SCML2: variants seen among roughly 807,000 people sequenced by gnomAD.
SCML2 encodes the protein sex comb on midleg-like protein 2.
SCML2 carries 6 observed loss-of-function variants against 48.4 expected under a neutral mutation model. The observed-to-expected ratio is 0.12, with a 90% CI of 0.07 to 0.24. SCML2 has a LOEUF of 0.24. Among genes scored for constraint, SCML2 ranks in the 10% least tolerant of loss-of-function variants. The pLI is 1.00. For synonymous variants in SCML2, 181 were observed against 189.5 expected, an observed-to-expected ratio of 0.95 and a Z score of 0.37; for missense variants, 377 against 528.2, an observed-to-expected ratio of 0.71 and a Z score of 2.81.
At chrX:18,351,674 CAA>C (rs58429855) in intron 1 of SCML2, among the ~76,000 whole-genome samples, 5 of 80,566 alleles carry the variant, frequency 6.2e-5, no homozygotes, top group Middle Eastern at 6.0e-3. Flanking sequence ...AATAACCAGG[CAA>C]AAAAAAAAAA....
intron 6 of SCML2, among the ~76,000 whole-genome samples, chrX:18,313,006 T>TGC (rs1206278211): frequency 1.1e-3 from 105 of 95,592 alleles, no homozygotes; most frequent in African/African-American, 3.9e-3. Context: ...TGTGTGTGTG[T>TGC]GCGCGTGTGT....
At chrX:18,291,979 G>A (rs970062887) in intron 7 of SCML2, among the ~76,000 whole-genome samples, 2 of 111,178 alleles carry the variant, frequency 1.8e-5, no homozygotes, top group East Asian at 5.6e-4. Context: ...GTTGATATGT[G>A]CAATAAATGA....
At chrX:18,299,321 G>A (rs1928500151) in intron 7 of SCML2, among the ~76,000 whole-genome samples, 3 of 110,415 alleles carry the variant, frequency 2.7e-5, no homozygotes, top group Admixed American at 9.6e-5. Flanking sequence ...AGACCATACT[G>A]GCTAATACGG....
chrX:18,344,426 T>TTG (rs1930134942), intron 1 of SCML2, among the ~76,000 whole-genome samples: 1 of 111,805 alleles, frequency 8.9e-6, no homozygotes, highest in Non-Finnish European at 1.9e-5. Flanking sequence ...AAGGCTCCAA[T>TTG]ACACCGTATG....
At chrX:18,327,715 T>C (rs57919132) in intron 3 of SCML2, among the ~76,000 whole-genome samples, 4,725 of 111,819 alleles carry the variant, frequency 0.042, 258 homozygotes, top group African/African-American at 0.15. Flanking sequence ...GCATTTGCCA[T>C]TTGGAGCCTC....
chrX:18,269,323 A>G (rs1927369411), intron 7 of SCML2, among the ~76,000 whole-genome samples: 1 of 110,944 alleles, frequency 9.0e-6, no homozygotes. Flanking sequence ...ATAGTAAGAG[A>G]GTTCTCACGA....
intron 11 of SCML2, among the ~76,000 whole-genome samples, chrX:18,255,815 C>A (rs748125563): frequency 1.8e-5 from 2 of 112,624 alleles, no homozygotes; most frequent in Middle Eastern, 4.6e-3. Context: ...AAAAGATAGT[C>A]TGTGATGGTA....
chrX:18,251,641 T>C (rs944226272), intron 11 of SCML2, among the ~76,000 whole-genome samples: 10 of 111,805 alleles, frequency 8.9e-5, no homozygotes, highest in African/African-American at 3.3e-4. Flanking sequence ...CAATAACAAG[T>C]GTTTAAAAGG....
chrX:18,347,471 G>A (rs1295744768), intron 1 of SCML2, among the ~76,000 whole-genome samples: 7 of 107,576 alleles, frequency 6.5e-5, no homozygotes, highest in Non-Finnish European at 1.3e-4. Context: ...ACATTTTTAG[G>A]CCGGGCGCAG....
At chrX:18,338,101 T>C (rs1929891301) in intron 1 of SCML2, among the ~76,000 whole-genome samples, 1 of 111,936 alleles carries the variant, frequency 8.9e-6, no homozygotes, top group South Asian at 3.7e-4. Context: ...TCCATTGCAA[T>C]GAAAGCAGTA....
At chrX:18,341,838 C>T (rs894476926) in intron 1 of SCML2, among the ~76,000 whole-genome samples, 1 of 112,011 alleles carries the variant, frequency 8.9e-6, no homozygotes, top group South Asian at 3.7e-4. Flanking sequence ...GTTCTATTGT[C>T]CCTCTTAAAA....
rs963988196 is a variant in SCML2, at chrX:18,259,356, C to A, written c.1069+815G>T. Among the ~76,000 whole-genome samples, 8 of 111,251 alleles carry A rather than the reference C, an allele frequency of 7.2e-5. No individual in the cohort carries two copies. In the Admixed American group the frequency reaches 7.7e-4, roughly 11 times the overall value. On this transcript the variant is annotated intron_variant, in intron 9 of 14. Transcript: ENST00000251900. ...CCCTAAGAAGCATGTTATTTTTAAT[C>A]CATTAATTAATATTGCAAAACTTTC...
intron 11 of SCML2, among the ~76,000 whole-genome samples, chrX:18,256,113 G>A (rs1460059362): frequency 9.0e-6 from 1 of 111,345 alleles, no homozygotes; most frequent in Non-Finnish European, 1.9e-5. Context: ...ATCGGTTTGG[G>A]GTTCTTATGG....
chrX:18,323,034 T>G lies in SCML2; in HGVS notation c.397+825A>C, dbSNP rs189193083. Among the ~76,000 whole-genome samples the G allele has an allele frequency of 5.4e-3, 606 of 111,749 alleles. 5 individuals carry two copies. The highest frequency in any genetic ancestry group is 0.019 in the African/African-American group (574 of 30,840). ...TTCACTTAAATTAGTGAAAAAGGAA[T>G]TTTTCACTAATAGGAAAACAAAAAA... On this transcript the variant is annotated intron_variant, in intron 5 of 14. Coordinates refer to ENST00000251900, the MANE Select transcript of SCML2 (RefSeq NM_006089.3).
chrX:18,336,672 G>T (rs1172272840), intron 1 of SCML2, among the ~76,000 whole-genome samples: 2 of 110,150 alleles, frequency 1.8e-5, no homozygotes, highest in East Asian at 5.7e-4. Context: ...GGGAGGCGGA[G>T]TTTGCAGTGA....
At chrX:18,246,428 G>A (rs1926448530) in intron 13 of SCML2, 149 bp downstream of exon 13, 4 of 517,361 alleles carry the variant, frequency 7.7e-6, no homozygotes, top group Non-Finnish European at 1.3e-5. Context: ...GATCCATAAT[G>A]GTCTGACCTG....
At chrX:18,290,246 T>C (rs894346352) in intron 7 of SCML2, among the ~76,000 whole-genome samples, 18 of 111,817 alleles carry the variant, frequency 1.6e-4, no homozygotes, top group African/African-American at 3.6e-4. Context: ...CTGTGAGATG[T>C]AGGGGGACAG....
chrX:18,338,362 C>T (rs756817747), intron 1 of SCML2, among the ~76,000 whole-genome samples: 1 of 105,540 alleles, frequency 9.5e-6, no homozygotes, highest in Admixed American at 1.0e-4. Flanking sequence ...GAGAATTGCT[C>T]GAACCTGGGA....
intron 7 of SCML2, among the ~76,000 whole-genome samples, chrX:18,266,713 T>C (rs1402005203): frequency 8.9e-6 from 1 of 112,128 alleles, no homozygotes; most frequent in Non-Finnish European, 1.9e-5. Context: ...TCCAAACCAA[T>C]CTGCTGCTTT....
Sources: allele counts gnomAD v4.1 joint callset (sites outside exome capture counted in the v4.1 genomes callset), GRCh38; gene constraint gnomAD v4.1.1; transcripts MANE v1.5; gene names NCBI Gene and HGNC (gene_info 2026-07-23, HGNC 2026-07-21).